The following LHFPL3 variants were observed in gnomAD, a reference collection of about 807,000 sequenced individuals.
LHFPL3 encodes LHFPL tetraspan subfamily member 3 protein.
A neutral mutation model predicts 19.3 loss-of-function variants in LHFPL3; 5 were observed. The observed-to-expected ratio is 0.26, with a 90% confidence interval of 0.14 to 0.54. The LOEUF is 0.54. Among genes scored for constraint, LHFPL3 ranks in the 20% least tolerant of loss-of-function variants. The probability of loss-of-function intolerance (pLI) is 0.94; values close to 1 mark genes in which losing one functional copy is unlikely to be tolerated. For missense variants in LHFPL3, 249 were observed against 307.4 expected (o/e 0.81, Z 1.42); for synonymous variants, 133 against 126.2 (o/e 1.05, Z -0.36).
intron 1 of LHFPL3, among the ~76,000 whole-genome samples, chr7:104,560,096 G>A (rs1475386010): frequency 6.9e-6 from 1 of 145,320 alleles, no homozygotes; most frequent in Non-Finnish European, 1.5e-5. Context: ...ATTTTATTGA[G>A]GATTTTTGCA....
chr7:104,387,815 C>T (rs368928299), intron 1 of LHFPL3, among the ~76,000 whole-genome samples: 4 of 152,178 alleles, frequency 2.6e-5, no homozygotes, highest in East Asian at 1.9e-4. Flanking sequence ...CTTTTAGGTT[C>T]GGGGTACATG....
At chr7:104,738,057 A>G (rs1793862804) in intron 2 of LHFPL3, among the ~76,000 whole-genome samples, 1 of 152,188 alleles carries the variant, frequency 6.6e-6, no homozygotes, top group African/African-American at 2.4e-5. Context: ...AGCCCAGCAG[A>G]GCAGCAGTCA....
At chr7:104,421,763 A>G (rs746925092) in intron 1 of LHFPL3, among the ~76,000 whole-genome samples, 6 of 152,240 alleles carry the variant, frequency 3.9e-5, no homozygotes, top group Non-Finnish European at 8.8e-5. Context: ...AATTGTAAAG[A>G]AAAGATAGCT....
chr7:104,803,586 T>C (rs1376497957), intron 2 of LHFPL3: 1 of 152,216 alleles, frequency 6.6e-6, no homozygotes, highest in African/African-American at 2.4e-5. Context: ...TAGCAAGTTA[T>C]AAACATCACT....
At position 104,360,314 on chromosome 7, in the gene LHFPL3, C is replaced by T. The variant is rs1015668563; in HGVS notation, c.445+31090C>T. On this transcript the variant is annotated intron_variant, in intron 1 of 2. Transcript: ENST00000424859. ...GTATCATGTTCCACAGTTAACCTCC[C>T]CTGTGCTTGCTGTGCACCTGCTCAT... Among the ~76,000 whole-genome samples the T allele has an allele frequency of 2.6e-5, 4 of 152,182 alleles. No individual in the cohort carries two copies. In the East Asian group the frequency reaches 7.7e-4, roughly 29 times the overall value.
chr7:104,446,610 C>G (rs1189250035), intron 1 of LHFPL3, among the ~76,000 whole-genome samples: 1 of 152,092 alleles, frequency 6.6e-6, no homozygotes, highest in Non-Finnish European at 1.5e-5. Flanking sequence ...GAGTCTCACT[C>G]TGTTGCCCAG....
chr7:104,657,447 T>C (rs193301814), intron 1 of LHFPL3, among the ~76,000 whole-genome samples: 1 of 152,240 alleles, frequency 6.6e-6, no homozygotes, highest in East Asian at 2.0e-4. Context: ...ATAAAAAGTC[T>C]AGATTTTTAA....
At chr7:104,799,138 G>A (rs529853923) in intron 2 of LHFPL3, among the ~76,000 whole-genome samples, 1 of 152,200 alleles carries the variant, frequency 6.6e-6, no homozygotes, top group Non-Finnish European at 1.5e-5. Flanking sequence ...GTGACAAGAT[G>A]TTCAATTTTC....
Position 104,355,547 on chromosome 7 carries a change from T to C in LHFPL3, c.445+26323T>C, listed in dbSNP as rs78872835. ...TGCTTGTTGTCTGTTTATTCACCTA[T>C]TGACGTTTTTCAAGCACCCACTATA... On this transcript the variant is annotated intron_variant, in intron 1 of 2. Coordinates refer to ENST00000424859, the MANE Select transcript of LHFPL3 (RefSeq NM_199000.3). Among the ~76,000 whole-genome samples, 780 of 152,368 alleles carry C rather than the reference T, an allele frequency of 5.1e-3. 41 individuals are homozygous for C. The East Asian group carries it at 0.12, about 24-fold the overall frequency.
chr7:104,392,240 G>C (rs1791087645), intron 1 of LHFPL3, among the ~76,000 whole-genome samples: 1 of 151,798 alleles, frequency 6.6e-6, no homozygotes, highest in Non-Finnish European at 1.5e-5. Context: ...GGAGTGGTGA[G>C]AGAGGGCATC....
intron 1 of LHFPL3, among the ~76,000 whole-genome samples, chr7:104,337,869 T>C (rs954345005): frequency 2.0e-5 from 3 of 152,162 alleles, no homozygotes; most frequent in African/African-American, 4.8e-5. Context: ...TTTTAACCAG[T>C]TGACTGGACA....
chr7:104,610,299 A>G (rs1791188070), intron 1 of LHFPL3, among the ~76,000 whole-genome samples: 1 of 152,018 alleles, frequency 6.6e-6, no homozygotes, highest in Non-Finnish European at 1.5e-5. Context: ...AGGTGATGTG[A>G]TTCTACCTAC....
intron 1 of LHFPL3, among the ~76,000 whole-genome samples, chr7:104,475,704 G>A (rs1792996572): frequency 6.6e-6 from 1 of 152,154 alleles, no homozygotes; most frequent in African/African-American, 2.4e-5. Flanking sequence ...AAGTCCCTGA[G>A]TAGTTCAGCA....
intron 1 of LHFPL3, chr7:104,668,831 G>A (rs1792416081): frequency 4.3e-6 from 7 of 1,611,870 alleles, no homozygotes; most frequent in Non-Finnish European, 5.9e-6. Context: ...CTTTGGAGGG[G>A]CAAAGCCTGT....
At chr7:104,333,399 C>G (rs1801606636) in intron 1 of LHFPL3, among the ~76,000 whole-genome samples, 1 of 152,136 alleles carries the variant, frequency 6.6e-6, no homozygotes, top group African/African-American at 2.4e-5. Context: ...GACACCTGAT[C>G]CAGATTGGAT....
intron 2 of LHFPL3, among the ~76,000 whole-genome samples, chr7:104,825,600 T>C (rs78686148): frequency 0.012 from 1,807 of 151,984 alleles, 32 homozygotes; most frequent in East Asian, 0.077. Context: ...ATTCAAATAA[T>C]AGTGTCTTAA....
intron 1 of LHFPL3, among the ~76,000 whole-genome samples, chr7:104,457,923 G>A (rs1792578817): frequency 6.9e-6 from 1 of 144,466 alleles, no homozygotes; most frequent in Non-Finnish European, 1.5e-5. Context: ...CTTTTGAGAA[G>A]TGTCTGTTCA....
chr7:104,870,793 A>G (rs1458183112), intron 2 of LHFPL3, among the ~76,000 whole-genome samples: 1 of 152,178 alleles, frequency 6.6e-6, no homozygotes, highest in Non-Finnish European at 1.5e-5. Flanking sequence ...AATGTAGGAC[A>G]TGGGTTTCTG....
At chr7:104,764,558 A>G (rs751098172) in intron 2 of LHFPL3, among the ~76,000 whole-genome samples, 1 of 152,216 alleles carries the variant, frequency 6.6e-6, no homozygotes, top group African/African-American at 2.4e-5. Context: ...TTGTGGTTCA[A>G]TCAGCTATTA....
Sources: allele counts gnomAD v4.1 joint callset (sites outside exome capture counted in the v4.1 genomes callset), GRCh38; gene constraint gnomAD v4.1.1; transcripts MANE v1.5; gene names NCBI Gene and HGNC (gene_info 2026-07-23, HGNC 2026-07-21).